The following MAPKAP1 variants were observed in gnomAD, a reference collection of about 807,000 sequenced individuals.
MAPKAP1 encodes MAPK associated protein 1.
In MAPKAP1, 20 loss-of-function variants were observed where a neutral mutation model predicts 65.7. The observed-to-expected ratio is 0.30, with a 90% CI of 0.21 to 0.44. MAPKAP1 has a LOEUF of 0.44. Among genes scored for constraint, MAPKAP1 ranks in the 20% least tolerant of loss-of-function variants. The pLI is 1.00. For synonymous variants in MAPKAP1, 222 were observed against 244.3 expected (o/e 0.91, Z 0.85); for missense variants, 423 against 648.0 (o/e 0.65, Z 3.77).
At chr9:125,682,324 C>G (rs1480068940) in intron 1 of MAPKAP1, among the ~76,000 whole-genome samples, 1 of 152,120 alleles carries the variant, frequency 6.6e-6, no homozygotes, top group Non-Finnish European at 1.5e-5. Context: ...AAAGATGTTT[C>G]CTATAAGGTT....
intron 5 of MAPKAP1, among the ~76,000 whole-genome samples, chr9:125,574,191 C>T (rs1249285140): frequency 2.0e-5 from 3 of 152,176 alleles, no homozygotes; most frequent in Non-Finnish European, 2.9e-5. Flanking sequence ...CTCTTGTTCT[C>T]CATTTTATCC....
At chr9:125,670,031 A>G in intron 2 of MAPKAP1, 124 bp from the exon 3 acceptor site, 1 of 535,082 alleles carries the variant, frequency 1.9e-6, no homozygotes, top group South Asian at 2.7e-5. Flanking sequence ...AAAGTCATAA[A>G]ATTTTAAAGG....
intron 6 of MAPKAP1, among the ~76,000 whole-genome samples, chr9:125,550,224 A>G (rs1178832219): frequency 6.6e-6 from 1 of 152,226 alleles, no homozygotes; most frequent in African/African-American, 2.4e-5. Context: ...GTTTTTTTCA[A>G]CAGCAAGACT....
At chr9:125,549,029 G>A (rs1296996658) in intron 6 of MAPKAP1, among the ~76,000 whole-genome samples, 1 of 152,206 alleles carries the variant, frequency 6.6e-6, no homozygotes, top group Non-Finnish European at 1.5e-5. Flanking sequence ...GGGAGTCTTA[G>A]GGACTCGGGG....
At chr9:125,495,357 C>T (rs1285188486) in intron 8 of MAPKAP1, among the ~76,000 whole-genome samples, 1 of 152,162 alleles carries the variant, frequency 6.6e-6, no homozygotes, top group Non-Finnish European at 1.5e-5. Flanking sequence ...ATTCTGGGGC[C>T]AGGAGCCTAT....
intron 5 of MAPKAP1, among the ~76,000 whole-genome samples, chr9:125,579,423 C>G (rs1831548209): frequency 6.6e-6 from 1 of 152,152 alleles, no homozygotes; most frequent in Admixed American, 6.5e-5. Flanking sequence ...TCCCGAGTAG[C>G]TGGGATTATA....
At chr9:125,553,675 T>C (rs955181496) in intron 6 of MAPKAP1, among the ~76,000 whole-genome samples, 3 of 152,254 alleles carry the variant, frequency 2.0e-5, no homozygotes, top group South Asian at 2.1e-4. Context: ...CACACTACAA[T>C]GGCAGTGCTG....
At chr9:125,485,947 G>C (rs781703244) in intron 8 of MAPKAP1, among the ~76,000 whole-genome samples, 4 of 152,110 alleles carry the variant, frequency 2.6e-5, no homozygotes, top group Non-Finnish European at 5.9e-5. Flanking sequence ...CTAGTGTCAG[G>C]GTGGATTATA....
chr9:125,706,555 AG>A (rs940878522), intron 1 of MAPKAP1, among the ~76,000 whole-genome samples: 4 of 152,088 alleles, frequency 2.6e-5, no homozygotes, highest in Non-Finnish European at 5.9e-5. Context: ...CACTGTAGCT[AG>A]AAAAAAGTCT....
chr9:125,528,114 G>C (rs766173522), intron 7 of MAPKAP1, among the ~76,000 whole-genome samples: 1 of 152,194 alleles, frequency 6.6e-6, no homozygotes, highest in Non-Finnish European at 1.5e-5. Context: ...TCCAAAAGGA[G>C]CTTTCACTGT....
chr9:125,448,208 C>T (rs1283704609), intron 10 of MAPKAP1, among the ~76,000 whole-genome samples: 1 of 152,054 alleles, frequency 6.6e-6, no homozygotes, highest in Admixed American at 6.5e-5. Flanking sequence ...GGAATGGAGG[C>T]GAGAACTACA....
In MAPKAP1 at chr9:125,642,234, GA is replaced by G. The variant is rs879615464; in HGVS notation, c.498+15416del. Reference sequence around the variant, plus strand: ...AAAAAAAGGAAAGAAGGAAGAAAAAGAAAAAAAAAATTAAATTGCTAACTAA... The same window carrying G: ...AAAAAAAGGAAAGAAGGAAGAAAAAGAAAAAAAAATTAAATTGCTAACTAA... On this transcript the variant is annotated intron_variant, in intron 4 of 11. Coordinates refer to ENST00000265960, the MANE Select transcript of MAPKAP1 (RefSeq NM_001006617.3). Among the ~76,000 whole-genome samples the G allele has an allele frequency of 8.1e-5, 12 of 148,002 alleles. 1 individual carries two copies. The South Asian group carries it at 2.1e-3, about 26-fold the overall frequency.
chr9:125,500,219 A>AC (rs1285606730), intron 8 of MAPKAP1, among the ~76,000 whole-genome samples: 2 of 151,566 alleles, frequency 1.3e-5, no homozygotes, highest in East Asian at 3.9e-4. Flanking sequence ...CTGGAGTCTC[A>AC]CTCTGTCACC....
chr9:125,599,392 A>C (rs1362253511), intron 4 of MAPKAP1, among the ~76,000 whole-genome samples: 1 of 152,162 alleles, frequency 6.6e-6, no homozygotes, highest in Non-Finnish European at 1.5e-5. Flanking sequence ...AGTTTTACTC[A>C]TTAGTCTTAG....
chr9:125,499,889 A>T (rs888011964), intron 8 of MAPKAP1, among the ~76,000 whole-genome samples: 30 of 152,216 alleles, frequency 2.0e-4, no homozygotes, highest in African/African-American at 7.0e-4. Flanking sequence ...TGGGAGGCTT[A>T]GGTGGGAGAA....
At chr9:125,561,052 T>C (rs1830879083) in intron 5 of MAPKAP1, among the ~76,000 whole-genome samples, 2 of 152,218 alleles carry the variant, frequency 1.3e-5, no homozygotes, top group Non-Finnish European at 2.9e-5. Context: ...GCAGTAGAAT[T>C]CTAAATTCTG....
chr9:125,701,342 G>A (rs185157055), intron 1 of MAPKAP1, among the ~76,000 whole-genome samples: 36 of 152,232 alleles, frequency 2.4e-4, no homozygotes, highest in Admixed American at 2.0e-3. Context: ...AGGATATTAC[G>A]AATTGAATTT....
chr9:125,627,595 T>C (rs1443331554), intron 4 of MAPKAP1, among the ~76,000 whole-genome samples: 1 of 152,070 alleles, frequency 6.6e-6, no homozygotes, highest in East Asian at 1.9e-4. Context: ...CCTAACTCTT[T>C]TTTATTTTTT....
At chr9:125,577,407 TG>T (rs1831452375) in intron 5 of MAPKAP1, among the ~76,000 whole-genome samples, 1 of 141,416 alleles carries the variant, frequency 7.1e-6, no homozygotes, top group African/African-American at 2.7e-5. Flanking sequence ...GCCCCCCGCC[TG>T]GCCAGCCTCC....
Sources: gnomAD v4.1 joint callset for allele counts (sites outside exome capture counted in the v4.1 genomes callset) on GRCh38, gnomAD v4.1.1 for gene constraint, MANE v1.5 for transcripts, NCBI Gene and HGNC (gene_info 2026-07-23, HGNC 2026-07-21) for gene names.